Variants in PDE4D observed in about 807,000 individuals in gnomAD.
The protein encoded by PDE4D is 3',5'-cyclic-AMP phosphodiesterase 4D.
In PDE4D, 24 loss-of-function variants were observed where a neutral mutation model predicts 87.4. The observed-to-expected ratio is 0.27, with a 90% CI of 0.20 to 0.39. PDE4D has a LOEUF of 0.39. Among genes scored for constraint, PDE4D ranks in the 10% least tolerant of loss-of-function variants. The probability of loss-of-function intolerance (pLI) is 1.00; values close to 1 mark genes in which losing one functional copy is unlikely to be tolerated. For synonymous variants in PDE4D, 384 were observed against 383.2 expected (o/e 1.00, Z -0.02); for missense variants, 714 against 1,041.0 (o/e 0.69, Z 4.32).
chr5:59,523,165 C>T (rs528647601), intron 1 of PDE4D, among the ~76,000 whole-genome samples: 1 of 152,288 alleles, frequency 6.6e-6, no homozygotes, highest in East Asian at 1.9e-4. Context: ...TGCTCTCAAA[C>T]ACCCACCCTT....
intron 1 of PDE4D, among the ~76,000 whole-genome samples, chr5:59,467,437 G>C (rs1397270563): frequency 6.6e-6 from 1 of 152,178 alleles, no homozygotes; most frequent in African/African-American, 2.4e-5. Flanking sequence ...AAATGGGAGA[G>C]AGAAATGATT....
intron 3 of PDE4D, among the ~76,000 whole-genome samples, chr5:59,906,702 C>A (rs531864348): frequency 6.6e-6 from 1 of 151,914 alleles, no homozygotes; most frequent in East Asian, 1.9e-4. Flanking sequence ...TAGAGAAATG[C>A]AAATCAAAAT....
At chr5:59,305,666 C>T (rs1201991286) in intron 1 of PDE4D, among the ~76,000 whole-genome samples, 1 of 152,116 alleles carries the variant, frequency 6.6e-6, no homozygotes, top group East Asian at 1.9e-4. Flanking sequence ...ACACAATGCT[C>T]ATTCAGGAGC....
chr5:60,039,300 T>C (rs576145398), intron 2 of PDE4D, among the ~76,000 whole-genome samples: 4 of 152,048 alleles, frequency 2.6e-5, no homozygotes, highest in South Asian at 2.1e-4. Context: ...ATGGATGAAA[T>C]TGGAAATCAT....
intron 2 of PDE4D, among the ~76,000 whole-genome samples, chr5:59,193,930 A>G (rs936233536): frequency 6.6e-6 from 1 of 152,220 alleles, no homozygotes; most frequent in African/African-American, 2.4e-5. Flanking sequence ...AGAACCCTTG[A>G]CCATCTAATA....
intron 1 of PDE4D, chr5:60,188,521 C>T (rs1784959109): frequency 6.6e-6 from 1 of 152,068 alleles, no homozygotes; most frequent in African/African-American, 2.4e-5. Context: ...AGCAGGAGGG[C>T]AAAGGAGGAA....
chr5:59,460,826 C>CA (rs1800664762), intron 1 of PDE4D, among the ~76,000 whole-genome samples: 1 of 152,166 alleles, frequency 6.6e-6, no homozygotes, highest in African/African-American at 2.4e-5. Flanking sequence ...CCTTTACATT[C>CA]ACCCTAAAGA....
intron 1 of PDE4D, among the ~76,000 whole-genome samples, chr5:59,253,928 G>T (rs572093618): frequency 2.6e-5 from 4 of 152,040 alleles, no homozygotes; most frequent in Non-Finnish European, 1.5e-5. Context: ...TAAGGCAAAC[G>T]AATTTTGATT....
At chr5:59,795,016 G>A (rs1766298798) in intron 1 of PDE4D, among the ~76,000 whole-genome samples, 1 of 152,238 alleles carries the variant, frequency 6.6e-6, no homozygotes, top group South Asian at 2.1e-4. Flanking sequence ...GTATCTGTGA[G>A]ACCCTGTTTC....
intron 1 of PDE4D, among the ~76,000 whole-genome samples, chr5:59,704,009 G>A (rs1753004302): frequency 6.6e-6 from 1 of 151,852 alleles, no homozygotes; most frequent in Non-Finnish European, 1.5e-5. Context: ...AGAGAGGGAG[G>A]CCATGTTACA....
At chr5:59,505,852 T>C (rs1485040159) in intron 1 of PDE4D, among the ~76,000 whole-genome samples, 1 of 152,210 alleles carries the variant, frequency 6.6e-6, no homozygotes, top group Non-Finnish European at 1.5e-5. Context: ...CACATTTTTT[T>C]TTCTGCTGGA....
At chr5:60,455,158 C>T (rs1746376857) in intron 1 of PDE4D, among the ~76,000 whole-genome samples, 1 of 151,996 alleles carries the variant, frequency 6.6e-6, no homozygotes. Context: ...CAACAAATAC[C>T]TACAGGTGTT....
chr5:59,496,002 C>A (rs893436537), intron 1 of PDE4D, among the ~76,000 whole-genome samples: 1 of 152,130 alleles, frequency 6.6e-6, no homozygotes, highest in Non-Finnish European at 1.5e-5. Flanking sequence ...CTTTCTGTAT[C>A]CCGGGTTCTT....
chr5:60,505,015 C>T (rs1256694272), intron 1 of PDE4D, among the ~76,000 whole-genome samples: 1 of 152,154 alleles, frequency 6.6e-6, no homozygotes, highest in Non-Finnish European at 1.5e-5. Context: ...ATAGAATGAA[C>T]ATAAATCTTA....
At chr5:59,889,667 A>G (rs1488092806) in intron 1 of PDE4D, among the ~76,000 whole-genome samples, 7 of 152,220 alleles carry the variant, frequency 4.6e-5, no homozygotes, top group Non-Finnish European at 7.3e-5. Flanking sequence ...TTTGTTGTGT[A>G]AAGTCAAAGA....
Position 59,691,557 on chromosome 5 carries a change from C to G in PDE4D, c.455+201611G>C, listed in dbSNP as rs183350902. Among the ~76,000 whole-genome samples the G allele has an allele frequency of 9.5e-3, 1,131 of 118,706 alleles. 10 individuals are homozygous for G. The highest frequency in any genetic ancestry group is 0.015 in the Admixed American group (138 of 9,216). 77.9% of individuals were successfully genotyped at this position (118,706 alleles called of 152,430 possible). The stretch of plus-strand genomic sequence containing the variant: ...GACACAGGGTGGGGAACACCACACA[C>G]CGGGGTCTGTCATGGAGTGGGGGGA... On this transcript the variant is annotated intron_variant, in intron 1 of 14. Transcript: ENST00000340635.
intron 1 of PDE4D, among the ~76,000 whole-genome samples, chr5:59,564,199 G>A (rs890679573): frequency 9.8e-5 from 15 of 152,294 alleles, no homozygotes; most frequent in African/African-American, 3.6e-4. Flanking sequence ...TTAGTTATAA[G>A]CAGGTCTCAG....
intron 1 of PDE4D, among the ~76,000 whole-genome samples, chr5:59,889,240 A>G (rs1377509202): frequency 1.3e-5 from 2 of 151,730 alleles, no homozygotes; most frequent in African/African-American, 4.8e-5. Flanking sequence ...AAAAAAAAAA[A>G]AAAAAAAAAG....
intron 1 of PDE4D, among the ~76,000 whole-genome samples, chr5:59,799,437 G>A (rs1448372228): frequency 2.6e-5 from 4 of 152,188 alleles, no homozygotes; most frequent in Non-Finnish European, 5.9e-5. Flanking sequence ...ATAACAGATG[G>A]CATCTCATTT....
Sources: gnomAD v4.1 joint callset for allele counts (sites outside exome capture counted in the v4.1 genomes callset) on GRCh38, gnomAD v4.1.1 for gene constraint, MANE v1.5 for transcripts, NCBI Gene and HGNC (gene_info 2026-07-23, HGNC 2026-07-21) for gene names.